STS: variants seen among roughly 807,000 people sequenced by gnomAD.
The protein encoded by STS is steryl-sulfatase.
In STS, 7 loss-of-function variants were observed where a neutral mutation model predicts 26.8. The ratio of observed to expected loss-of-function variants is 0.26; its 90% CI spans 0.15 to 0.49. The LOEUF is 0.49. Among genes scored for constraint, STS ranks in the 20% least tolerant of loss-of-function variants. The probability of loss-of-function intolerance (pLI) is 0.98; values close to 1 mark genes in which losing one functional copy is unlikely to be tolerated. For missense variants in STS, 434 were observed against 465.6 expected (o/e 0.93, Z 0.63); for synonymous variants, 199 against 189.4 (o/e 1.05, Z -0.42).
chrX:7,323,925 A>C (rs1227628583), intron 8 of STS, among the ~76,000 whole-genome samples: 1 of 109,795 alleles, frequency 9.1e-6, no homozygotes, highest in South Asian at 4.0e-4. Flanking sequence ...ACACCCCTCC[A>C]CTTCTCTGAC....
intron 1 of STS, among the ~76,000 whole-genome samples, chrX:7,186,994 C>T (rs1334600989): frequency 9.0e-6 from 1 of 111,549 alleles, no homozygotes; most frequent in Non-Finnish European, 1.9e-5. Context: ...AGGAAGGTCC[C>T]TCAGAGGTTT....
intron 10 of STS, among the ~76,000 whole-genome samples, chrX:7,347,198 G>A (rs1315981851): frequency 9.0e-6 from 1 of 111,381 alleles, no homozygotes. Flanking sequence ...TCAGTTGCTG[G>A]GTTCCTGGTG....
Position 7,263,918 on chromosome X carries a change from T to A in STS, c.806+4146T>A, listed in dbSNP as rs150546104. On this transcript the variant is annotated intron_variant, in intron 6 of 10. Coordinates refer to ENST00000674429, the MANE Select transcript of STS (RefSeq NM_001320752.2). ...TTTCCAAGGGAAGCTATAGGAGATA[T>A]ACATGTACAGCAGCAGCAAGTATTA... Among the ~76,000 whole-genome samples the A allele has an allele frequency of 8.9e-5, 10 of 111,957 alleles. No homozygotes were observed. In the East Asian group the frequency reaches 2.8e-3, roughly 31 times the overall value.
At chrX:7,153,640 C>T (rs1419979526) in intron 1 of STS, among the ~76,000 whole-genome samples, 1 of 94,842 alleles carries the variant, frequency 1.1e-5, no homozygotes, top group Non-Finnish European at 2.1e-5. Flanking sequence ...TGTCTTCCTT[C>T]CTGTCCTCCT....
intron 1 of STS, among the ~76,000 whole-genome samples, chrX:7,175,727 A>T (rs1290096357): frequency 1.8e-5 from 2 of 111,902 alleles, no homozygotes; most frequent in Non-Finnish European, 3.8e-5. Flanking sequence ...TAAATTCTTT[A>T]GTGTCTCTTT....
At chrX:7,279,939 A>C (rs986356250) in intron 7 of STS, among the ~76,000 whole-genome samples, 6 of 111,857 alleles carry the variant, frequency 5.4e-5, no homozygotes, top group African/African-American at 1.6e-4. Flanking sequence ...TGAGGCTTGC[A>C]GGTTAGGTAC....
At chrX:7,198,480 T>G (rs1293999167) in intron 2 of STS, among the ~76,000 whole-genome samples, 2 of 111,596 alleles carry the variant, frequency 1.8e-5, no homozygotes, top group Non-Finnish European at 3.8e-5. Flanking sequence ...TCTTGTGGCC[T>G]CTGACTGCAG....
In STS at chrX:7,351,082, G is replaced by C. The variant is rs1388746300; in HGVS notation, c.*821G>C. The C allele has an allele frequency of 3.6e-5, 4 of 112,061 alleles. No individual in the cohort carries two copies. Among genetic ancestry groups the C allele is most frequent in the Non-Finnish European group, 7.5e-5 (4 of 53,223 alleles). The allele number at this position is 112,061 out of a possible 1,213,427, so 9.2% of individuals were successfully genotyped here. ...TCCCAAGGCAAATCTCTCCTGAACT[G>C]CTTTCCATTCCATAATTTGTAGTAT... On this transcript the variant is annotated 3_prime_UTR_variant, in exon 11 of 11. Coordinates refer to ENST00000674429, the MANE Select transcript of STS (RefSeq NM_001320752.2).
intron 1 of STS, among the ~76,000 whole-genome samples, chrX:7,160,171 G>A (rs1294732076): frequency 1.8e-5 from 2 of 112,333 alleles, no homozygotes; most frequent in Non-Finnish European, 3.8e-5. Flanking sequence ...CTGCTTCAAA[G>A]GAAGTCTAAA....
At position 7,204,474 on chromosome X, in the gene STS, T is replaced by C. The variant is rs770362639; in HGVS notation, c.-5+13466T>C. On this transcript the variant is annotated intron_variant, in intron 2 of 10. Coordinates refer to ENST00000674429, the MANE Select transcript of STS (RefSeq NM_001320752.2). ...TATTTTCTCTGTTGATTCCCCTTCT[T>C]TCCTTCCTCCCTCCCTTCCTTCCTC... 5.8e-3 allele frequency among the ~76,000 whole-genome samples: 627 copies of C among 108,339 alleles called. 1 individual carries two copies. Among genetic ancestry groups the C allele is most frequent in the Non-Finnish European group, 8.7e-3 (453 of 52,060 alleles). 94.1% of individuals were successfully genotyped at this position (108,339 alleles called of 115,157 possible).
At chrX:7,285,133 C>G (rs1184640309) in intron 7 of STS, among the ~76,000 whole-genome samples, 1 of 110,746 alleles carries the variant, frequency 9.0e-6, no homozygotes, top group Non-Finnish European at 1.9e-5. Context: ...TTGTGATGCT[C>G]AAAATAAAGA....
chrX:7,326,038 C>G (rs1927446285), intron 9 of STS, among the ~76,000 whole-genome samples: 1 of 111,510 alleles, frequency 9.0e-6, no homozygotes, highest in South Asian at 3.8e-4. Context: ...CTTTGGGGAT[C>G]AGGGGTTTTG....
intron 8 of STS, among the ~76,000 whole-genome samples, chrX:7,324,972 G>A (rs372480332): frequency 9.0e-6 from 1 of 110,976 alleles, no homozygotes; most frequent in Non-Finnish European, 1.9e-5. Context: ...GACACTTGGG[G>A]GCACCATTAT....
At chrX:7,214,972 G>GTATA (rs1471638743) in intron 2 of STS, among the ~76,000 whole-genome samples, 45 of 62,757 alleles carry the variant, frequency 7.2e-4, no homozygotes, top group East Asian at 2.0e-3. Flanking sequence ...TATTATATAT[G>GTATA]TATATATACA....
chrX:7,250,738 A>C (rs1214623205), intron 2 of STS, among the ~76,000 whole-genome samples: 1 of 112,621 alleles, frequency 8.9e-6, no homozygotes, highest in Non-Finnish European at 1.9e-5. Flanking sequence ...GTCTGTATGG[A>C]GACCTTAATT....
intron 8 of STS, among the ~76,000 whole-genome samples, chrX:7,306,473 T>C (rs1368071602): frequency 1.8e-5 from 2 of 111,813 alleles, no homozygotes; most frequent in African/African-American, 6.5e-5. Context: ...TATCAATTTG[T>C]TTAGAAATAT....
chrX:7,299,552 T>C (rs1486179494), intron 7 of STS, among the ~76,000 whole-genome samples: 1 of 109,027 alleles, frequency 9.2e-6, no homozygotes, highest in African/African-American at 3.3e-5. Flanking sequence ...AGTATAACTT[T>C]CATATATATA....
chrX:7,219,530 G>A, intron 2 of STS: 1 of 1,181,545 alleles, frequency 8.5e-7, no homozygotes, highest in Non-Finnish European at 1.1e-6. Flanking sequence ...GAGTAGGATT[G>A]GCCTGCTTCA....
At chrX:7,197,422 TA>T (rs1204946933) in intron 2 of STS, among the ~76,000 whole-genome samples, 1 of 110,313 alleles carries the variant, frequency 9.1e-6, no homozygotes, top group Non-Finnish European at 1.9e-5. Flanking sequence ...CAAAGTTTAT[TA>T]AGAAAGTAAA....
Sources: gnomAD v4.1 joint callset for allele counts (sites outside exome capture counted in the v4.1 genomes callset) on GRCh38, gnomAD v4.1.1 for gene constraint, MANE v1.5 for transcripts, NCBI Gene and HGNC (gene_info 2026-07-23, HGNC 2026-07-21) for gene names.